The following MALRD1 variants were observed in gnomAD, a reference collection of about 807,000 sequenced individuals.
The protein encoded by MALRD1 is MAM and LDL-receptor class A domain-containing protein 1.
MALRD1 carries 247 observed loss-of-function variants against 242.1 expected under a neutral mutation model. The observed-to-expected ratio is 1.02, with a 90% CI of 0.92 to 1.13. MALRD1 has a LOEUF of 1.13. Among genes scored for constraint, MALRD1 ranks in the 50% most tolerant of loss-of-function variants. MALRD1 has a pLI of 0.00. For synonymous variants in MALRD1, 995 were observed against 866.6 expected, an observed-to-expected ratio of 1.15 and a Z score of -2.60; for missense variants, 2,989 against 2,533.1, an observed-to-expected ratio of 1.18 and a Z score of -3.86.
At position 19,306,311 on chromosome 10, in the gene MALRD1, C is replaced by A. The variant is rs1262699234; in HGVS notation, c.3420-17638C>A. Among the ~76,000 whole-genome samples, 3 of 136,382 alleles carry A rather than the reference C, an allele frequency of 2.2e-5. No individual in the cohort carries two copies. In the Admixed American group the frequency reaches 2.4e-4, roughly 11 times the overall value. 89.5% of individuals were successfully genotyped at this position (136,382 alleles called of 152,430 possible). On this transcript the variant is annotated intron_variant, in intron 21 of 39. Coordinates refer to ENST00000454679, the MANE Select transcript of MALRD1 (RefSeq NM_001142308.3). ...TAGTATATATAGTGTCGTATATATA[C>A]CGTATATAGTATATATAGTGTCGTA...
intron 33 of MALRD1, among the ~76,000 whole-genome samples, chr10:19,572,280 A>G (rs752506701): frequency 2.0e-5 from 3 of 152,228 alleles, no homozygotes; most frequent in Non-Finnish European, 4.4e-5. Flanking sequence ...TTCCTTAGCC[A>G]TGTGAGTTTC....
intron 36 of MALRD1, among the ~76,000 whole-genome samples, chr10:19,637,232 A>G (rs1840177304): frequency 6.6e-6 from 1 of 152,176 alleles, no homozygotes; most frequent in African/African-American, 2.4e-5. Context: ...GATGGTTTTA[A>G]AACTTTACCA....
chr10:19,155,979 TC>T, intron 12 of MALRD1, among the ~76,000 whole-genome samples: 1 of 152,184 alleles, frequency 6.6e-6, no homozygotes, highest in East Asian at 1.9e-4. Context: ...AGGTCTGTAT[TC>T]AGCTTGTCTT....
At position 19,387,740 on chromosome 10, in the gene MALRD1, C is replaced by T. The variant is rs1332004339; in HGVS notation, c.4654C>T (p.Pro1552Ser). 4.5e-6 allele frequency: 7 copies of T among 1,550,418 alleles called. No homozygotes were observed. The highest frequency in any genetic ancestry group is 6.1e-6 in the Non-Finnish European group (7 of 1,146,840). Residue 1552 changes from proline to serine, a missense_variant, in exon 27 of 40, where the codon CCT becomes TCT. Physicochemically the swap from Pro to Ser is moderately conservative, Grantham distance 74. Coordinates refer to ENST00000454679, the MANE Select transcript of MALRD1 (RefSeq NM_001142308.3). ...GGTTGGCTCTCATCAAAGCTTAAGA[C>T]CTCCCAAAGACCACACACTTGGAAA... ...LGVGSHQSLR[P>S]PKDHTLGNEN...
intron 18 of MALRD1, among the ~76,000 whole-genome samples, chr10:19,252,730 T>C (rs1839349502): frequency 2.0e-5 from 3 of 152,050 alleles, no homozygotes; most frequent in African/African-American, 7.2e-5. Context: ...TGTTTCATGA[T>C]AAATGGTTTT....
Position 19,365,659 on chromosome 10 carries a change from T to TAAA in MALRD1, c.4441+13389_4441+13391dup, listed in dbSNP as rs199989681. On this transcript the variant is annotated intron_variant, in intron 26 of 39. Coordinates refer to ENST00000454679, the MANE Select transcript of MALRD1 (RefSeq NM_001142308.3). The stretch of plus-strand genomic sequence containing the variant: ...GATAATTGACATGTTTTATAAATTC[T>TAAA]AAAAAAAAAAAAAAAAAAAAAAAAA... 2.4e-5 allele frequency among the ~76,000 whole-genome samples: 3 copies of TAAA among 122,918 alleles called. No homozygotes were observed. The East Asian group carries it at 7.7e-4, about 32-fold the overall frequency. The allele number at this position is 122,918 out of a possible 152,430, so 80.6% of individuals were successfully genotyped here.
intron 31 of MALRD1, among the ~76,000 whole-genome samples, chr10:19,524,199 G>C (rs1374902824): frequency 6.6e-6 from 1 of 152,146 alleles, no homozygotes; most frequent in Admixed American, 6.6e-5. Flanking sequence ...GATGTGAGCT[G>C]GGTGCAGTGA....
At chr10:19,315,044 A>G (rs889408007) in intron 21 of MALRD1, among the ~76,000 whole-genome samples, 1 of 142,858 alleles carries the variant, frequency 7.0e-6, no homozygotes, top group Non-Finnish European at 1.5e-5. Flanking sequence ...TTATATAAAT[A>G]TGTAAATATA....
intron 21 of MALRD1, among the ~76,000 whole-genome samples, chr10:19,297,907 C>T (rs1052244244): frequency 6.6e-6 from 1 of 151,812 alleles, no homozygotes; most frequent in Non-Finnish European, 1.5e-5. Context: ...TCAAGCAAAG[C>T]GATGGCTACA....
intron 31 of MALRD1, among the ~76,000 whole-genome samples, chr10:19,525,392 T>C (rs2131329839): frequency 6.6e-6 from 1 of 152,288 alleles, no homozygotes; most frequent in South Asian, 2.1e-4. Context: ...AAAATGTCCA[T>C]GAAGCATAGT....
chr10:19,241,361 A>G (rs572236110), intron 18 of MALRD1, among the ~76,000 whole-genome samples: 2 of 152,222 alleles, frequency 1.3e-5, no homozygotes, highest in East Asian at 1.9e-4. Flanking sequence ...ATTTGTTGGC[A>G]TATAGTTACG....
chr10:19,617,134 G>A (rs1438870539), intron 36 of MALRD1, among the ~76,000 whole-genome samples: 2 of 151,962 alleles, frequency 1.3e-5, no homozygotes, highest in African/African-American at 2.4e-5. Context: ...CTTTAATCCT[G>A]ACAGTTAAGC....
rs766307482 is a variant in MALRD1, at chr10:19,165,767, T to A, written c.1787T>A (p.Ile596Asn). 1.4e-4 allele frequency: 175 copies of A among 1,231,542 alleles called. No homozygotes were observed. Among genetic ancestry groups the A allele is most frequent in the Admixed American group, 5.5e-4 (13 of 23,680 alleles). The allele number at this position is 1,231,542 out of a possible 1,614,324, so 76.3% of individuals were successfully genotyped here. A position where few individuals can be genotyped will look rare whatever the true frequency, so the allele number is the denominator to read the frequency against. ...GAATCTCAGTGGAGCCACGCAAAAA[T>A]TGATCTCATTGCAGAAGCGGGAGAA... Reference protein sequence around the residue: ...FSESQWSHAKIDLIAEAGEST... With the variant: ...FSESQWSHAKNDLIAEAGEST... Residue 596 changes from isoleucine to asparagine, a missense_variant, in exon 13 of 40, where the codon ATT (isoleucine) becomes AAT (asparagine). Ile to Asn is a moderately radical substitution (Grantham distance 149). Coordinates refer to ENST00000454679, the MANE Select transcript of MALRD1 (RefSeq NM_001142308.3).
intron 21 of MALRD1, among the ~76,000 whole-genome samples, chr10:19,313,890 A>C (rs1842533163): frequency 6.6e-6 from 1 of 151,484 alleles, no homozygotes; most frequent in Admixed American, 6.6e-5. Context: ...AGTTGGTTAA[A>C]CCCTAGGTGG....
chr10:19,361,935 A>G (rs1474209793), intron 26 of MALRD1, among the ~76,000 whole-genome samples: 1 of 152,116 alleles, frequency 6.6e-6, no homozygotes, highest in Non-Finnish European at 1.5e-5. Flanking sequence ...CTGATTCTAA[A>G]GATTCAAATT....
At chr10:19,243,784 T>G (rs1226550753) in intron 18 of MALRD1, among the ~76,000 whole-genome samples, 2 of 152,180 alleles carry the variant, frequency 1.3e-5, no homozygotes, top group Non-Finnish European at 2.9e-5. Flanking sequence ...GTAATAACCA[T>G]AAGCTTGGGT....
At chr10:19,235,570 C>G (rs1025144346) in intron 18 of MALRD1, among the ~76,000 whole-genome samples, 34 of 100,972 alleles carry the variant, frequency 3.4e-4, no homozygotes, top group South Asian at 1.4e-3. Flanking sequence ...CACCCACACC[C>G]ACACCCACAG....
chr10:19,387,889 G>T, intron 27 of MALRD1, 116 bp downstream of exon 27: 1 of 1,301,976 alleles, frequency 7.7e-7, no homozygotes, highest in African/African-American at 1.5e-5. Context: ...GTATTGCAAG[G>T]CGATCAAACA....
intron 31 of MALRD1, among the ~76,000 whole-genome samples, chr10:19,516,562 T>C (rs1833634778): frequency 6.6e-6 from 1 of 152,164 alleles, no homozygotes; most frequent in Admixed American, 6.5e-5. Flanking sequence ...TCTACTAATA[T>C]TTGTGGGGAA....
Sources: allele counts gnomAD v4.1 joint callset (sites outside exome capture counted in the v4.1 genomes callset), GRCh38; gene constraint gnomAD v4.1.1; transcripts MANE v1.5; gene names NCBI Gene and HGNC (gene_info 2026-07-23, HGNC 2026-07-21).